MIR2052HG: variants seen among roughly 807,000 people sequenced by gnomAD.
The protein encoded by MIR2052HG is MIR2052 host gene.
At chr8:74,670,678 A>G (rs10957735) in intron 2 of MIR2052HG, among the ~76,000 whole-genome samples, 37,065 of 151,966 alleles carry the variant, frequency 0.24, 5,526 homozygotes, top group East Asian at 0.64. Context: ...TATAAGCTAA[A>G]GAAAAATATT....
intron 2 of MIR2052HG, among the ~76,000 whole-genome samples, chr8:74,661,764 G>C (rs904876649): frequency 6.6e-6 from 1 of 152,176 alleles, no homozygotes. Context: ...GACAAGGTTT[G>C]AGCTTGTGAC....
chr8:74,743,758 C>T (rs554453406), intron 4 of MIR2052HG, among the ~76,000 whole-genome samples: 1 of 152,246 alleles, frequency 6.6e-6, no homozygotes, highest in Non-Finnish European at 1.5e-5. Context: ...AACCCAGTCC[C>T]ACATCACTGA....
rs527710861 is a variant in MIR2052HG, at chr8:74,714,428, A to G, written n.371+10746A>G. Among the ~76,000 whole-genome samples the G allele has an allele frequency of 5.3e-5, 8 of 152,328 alleles. No individual in the cohort carries two copies. The South Asian group carries it at 8.3e-4, about 16-fold the overall frequency. Reference sequence around the variant, plus strand: ...AAAGGAAATTATAAAACCATATAGCATAAGTTCATAAAGTAAATGAAAGTT... The same window carrying G: ...AAAGGAAATTATAAAACCATATAGCGTAAGTTCATAAAGTAAATGAAAGTT... On this transcript the variant is annotated intron_variant and non_coding_transcript_variant, in intron 4 of 6. Transcript: ENST00000523442.
intron 4 of MIR2052HG, among the ~76,000 whole-genome samples, chr8:74,734,756 C>A (rs1007177682): frequency 3.9e-5 from 6 of 152,208 alleles, no homozygotes; most frequent in African/African-American, 1.4e-4. Flanking sequence ...GAAACAGGAG[C>A]CCCTGCTGAC....
intron 1 of MIR2052HG, among the ~76,000 whole-genome samples, chr8:74,604,892 C>A (rs909748094): frequency 1.2e-4 from 19 of 152,144 alleles, no homozygotes; most frequent in African/African-American, 4.1e-4. Context: ...CCGCACCCGG[C>A]CGTTTCTTTA....
chr8:74,698,850 G>A (rs1233154950), intron 2 of MIR2052HG, among the ~76,000 whole-genome samples: 2 of 152,086 alleles, frequency 1.3e-5, no homozygotes, highest in Admixed American at 1.3e-4. Context: ...CACGGCACAT[G>A]TACACCTGTG....
intron 1 of MIR2052HG, among the ~76,000 whole-genome samples, chr8:74,608,513 T>A (rs1808145801): frequency 6.6e-6 from 1 of 152,192 alleles, no homozygotes; most frequent in African/African-American, 2.4e-5. Flanking sequence ...AGAATACACA[T>A]TCTTTTCAAT....
chr8:74,733,469 T>A (rs1422539551), intron 4 of MIR2052HG, among the ~76,000 whole-genome samples: 2 of 151,482 alleles, frequency 1.3e-5, no homozygotes, highest in Non-Finnish European at 2.9e-5. Flanking sequence ...ATTTTCTTAA[T>A]CCAGTCTATC....
chr8:74,722,260 C>G (rs948165424), intron 4 of MIR2052HG, among the ~76,000 whole-genome samples: 1 of 152,180 alleles, frequency 6.6e-6, no homozygotes, highest in African/African-American at 2.4e-5. Flanking sequence ...ATGGAGCAGC[C>G]TCTGCAGAAG....
At chr8:74,729,656 G>A (rs1249095389) in intron 4 of MIR2052HG, among the ~76,000 whole-genome samples, 1 of 152,126 alleles carries the variant, frequency 6.6e-6, no homozygotes, top group Non-Finnish European at 1.5e-5. Flanking sequence ...GAAGGAACAT[G>A]ATAGAAAATA....
intron 2 of MIR2052HG, among the ~76,000 whole-genome samples, chr8:74,646,865 C>T (rs1808693971): frequency 6.6e-6 from 1 of 152,070 alleles, no homozygotes; most frequent in South Asian, 2.1e-4. Context: ...GAGGTACAGG[C>T]TGTAGTGAGC....
intron 4 of MIR2052HG, among the ~76,000 whole-genome samples, chr8:74,731,528 G>T (rs541698805): frequency 6.6e-6 from 1 of 152,134 alleles, no homozygotes; most frequent in African/African-American, 2.4e-5. Context: ...GTGCAGAGTG[G>T]ACCTATGACC....
At chr8:74,682,008 A>C (rs1809130682) in intron 2 of MIR2052HG, among the ~76,000 whole-genome samples, 1 of 152,170 alleles carries the variant, frequency 6.6e-6, no homozygotes, top group Non-Finnish European at 1.5e-5. Context: ...TGACTATACT[A>C]TACACATAGC....
chr8:74,609,736 AAATAAT>A (rs1018741435), intron 1 of MIR2052HG: 1 of 148,746 alleles, frequency 6.7e-6, no homozygotes, highest in Non-Finnish European at 1.5e-5. Flanking sequence ...AATAATAAAT[AAATAAT>A]AATAATAATA....
At position 74,639,408 on chromosome 8, in the gene MIR2052HG, G is replaced by A. The variant is rs537059383; in HGVS notation, n.216+26468G>A. On this transcript the variant is annotated intron_variant and non_coding_transcript_variant, in intron 2 of 6. Transcript: ENST00000523442. Reference sequence around the variant, plus strand: ...GGCTACCTTTCCTTTCATCATTTGGGCATACATATCCTAATAATCCAGAAA... The same window carrying A: ...GGCTACCTTTCCTTTCATCATTTGGACATACATATCCTAATAATCCAGAAA... 3.9e-5 allele frequency among the ~76,000 whole-genome samples: 6 copies of A among 152,096 alleles called. No individual in the cohort carries two copies. The South Asian group carries it at 1.2e-3, about 32-fold the overall frequency.
chr8:74,722,320 C>T (rs1809586389), intron 4 of MIR2052HG, among the ~76,000 whole-genome samples: 2 of 152,168 alleles, frequency 1.3e-5, no homozygotes, highest in South Asian at 4.1e-4. Flanking sequence ...TCTACATTTT[C>T]AGAAATCACA....
chr8:74,660,304 A>T (rs567606778), intron 2 of MIR2052HG, among the ~76,000 whole-genome samples: 40 of 152,160 alleles, frequency 2.6e-4, no homozygotes, highest in African/African-American at 9.6e-4. Context: ...TCTGACTTAG[A>T]CTCTTCAGTT....
chr8:74,617,033 C>T (rs951746813), intron 2 of MIR2052HG, among the ~76,000 whole-genome samples: 2 of 152,166 alleles, frequency 1.3e-5, no homozygotes, highest in African/African-American at 4.8e-5. Context: ...GTTGATCATA[C>T]TCTACTCTCT....
chr8:74,707,315 A>G (rs1448995767), intron 4 of MIR2052HG, among the ~76,000 whole-genome samples: 1 of 152,130 alleles, frequency 6.6e-6, no homozygotes, highest in Non-Finnish European at 1.5e-5. Context: ...CTTCTTCAGA[A>G]TACACCCATG....
Sources: gnomAD v4.1 joint callset for allele counts (sites outside exome capture counted in the v4.1 genomes callset) on GRCh38, gnomAD v4.1.1 for gene constraint, MANE v1.5 for transcripts, NCBI Gene and HGNC (gene_info 2026-07-23, HGNC 2026-07-21) for gene names.